The following SLC6A6 variants were observed in gnomAD, a reference collection of about 807,000 sequenced individuals.
SLC6A6 encodes the protein solute carrier family 6 member 6, also known as sodium- and chloride-dependent taurine transporter.
Under a neutral mutation model 68.8 loss-of-function variants are expected in SLC6A6, and 16 were observed. The ratio of observed to expected loss-of-function variants is 0.23; its 90% CI spans 0.16 to 0.35. The LOEUF (loss-of-function observed/expected upper bound fraction) is 0.35, where lower values mean the gene tolerates loss of function less well. Among genes scored for constraint, SLC6A6 ranks in the 10% least tolerant of loss-of-function variants. The probability of loss-of-function intolerance (pLI) is 1.00; values close to 1 mark genes in which losing one functional copy is unlikely to be tolerated. For synonymous variants in SLC6A6, 312 were observed against 315.4 expected (o/e 0.99, Z 0.12); for missense variants, 474 against 802.8 (o/e 0.59, Z 4.95).
In SLC6A6 at chr3:14,472,995, T is replaced by G. The variant is rs145372289; in HGVS notation, c.1209+678T>G. 6.6e-6 allele frequency among the ~76,000 whole-genome samples: 1 copy of G among 152,352 alleles called. No homozygotes were observed. The highest frequency in any genetic ancestry group is 1.9e-4 in the East Asian group (1 of 5,174). ...AGGACTCCTGTCTCCACTGAGGTTCTTTCCTGCACTTCTAAACCCCGTATC... is the reference window on the plus strand; with the variant it reads ...AGGACTCCTGTCTCCACTGAGGTTCGTTCCTGCACTTCTAAACCCCGTATC... On this transcript the variant is annotated intron_variant, in intron 10 of 14. Transcript: ENST00000622186. This position sits in a 1 kb window ranked among gnomAD's most constrained non-coding sequence, Gnocchi z 4.5.
chr3:14,446,807 A>G (rs1039711025), intron 4 of SLC6A6, among the ~76,000 whole-genome samples: 2 of 152,252 alleles, frequency 1.3e-5, no homozygotes, highest in African/African-American at 4.8e-5. Context: ...TCAGCATCAA[A>G]TGAATGGTAG....
intron 2 of SLC6A6, among the ~76,000 whole-genome samples, chr3:14,441,342 C>A (rs561025462): frequency 6.6e-6 from 1 of 151,934 alleles, no homozygotes; most frequent in East Asian, 1.9e-4. Context: ...GCCCTGATAA[C>A]CATCGGGGGG....
chr3:14,479,297 A>C, intron 13 of SLC6A6, 112 bp downstream of exon 13: 1 of 737,762 alleles, frequency 1.4e-6, no homozygotes, highest in Non-Finnish European at 2.4e-6. Context: ...GCTTATAATA[A>C]ACCCAGCTTC....
intron 10 of SLC6A6, among the ~76,000 whole-genome samples, chr3:14,476,223 TG>T (rs1240921418): frequency 6.6e-6 from 1 of 152,190 alleles, no homozygotes; most frequent in Non-Finnish European, 1.5e-5. Context: ...CTGTGCTACA[TG>T]CACAGATGCC....
rs1327889402 is a variant in SLC6A6 at position 14,450,522 on chromosome 3, C to T, written c.599+2706C>T. Among the ~76,000 whole-genome samples the T allele has an allele frequency of 6.6e-6, 1 of 152,218 alleles. No homozygotes were observed. Among genetic ancestry groups the T allele is most frequent in the Non-Finnish European group, 1.5e-5 (1 of 68,042 alleles). The stretch of plus-strand genomic sequence containing the variant: ...AGCTCTCACACCTCTCCTACCCCTG[C>T]ACCCCTAGCCCCAGATTCCAGCAGA... On this transcript the variant is annotated intron_variant, in intron 5 of 14. Coordinates refer to ENST00000622186, the MANE Select transcript of SLC6A6 (RefSeq NM_003043.6). The surrounding 1 kb of genome is among the most constrained non-coding windows in gnomAD (Gnocchi z 4.1).
At chr3:14,413,983 C>A (rs1226683842) in intron 1 of SLC6A6, among the ~76,000 whole-genome samples, 1 of 152,016 alleles carries the variant, frequency 6.6e-6, no homozygotes, top group Non-Finnish European at 1.5e-5. Flanking sequence ...GTCTCCCAGG[C>A]ATGAGTCACC....
intron 6 of SLC6A6, among the ~76,000 whole-genome samples, chr3:14,465,923 C>T (rs1380291109): frequency 1.3e-5 from 2 of 152,202 alleles, no homozygotes; most frequent in Admixed American, 6.5e-5. Flanking sequence ...TTAGATGGTG[C>T]CTGGGACAAA....
At chr3:14,404,326 G>A (rs1699057702) in intron 1 of SLC6A6, among the ~76,000 whole-genome samples, 1 of 152,070 alleles carries the variant, frequency 6.6e-6, no homozygotes, top group African/African-American at 2.4e-5. Context: ...GGGATTGTGG[G>A]GTGGGCATGA....
chr3:14,448,535 A>T (rs75740734), intron 5 of SLC6A6, among the ~76,000 whole-genome samples: 2,120 of 152,144 alleles, frequency 0.014, 46 homozygotes, highest in African/African-American at 0.045. Context: ...CTAAGCAAGC[A>T]CTCTAGGAAC....
chr3:14,480,452 G>A (rs1291268688), intron 13 of SLC6A6, among the ~76,000 whole-genome samples: 1 of 142,884 alleles, frequency 7.0e-6, no homozygotes, highest in African/African-American at 2.8e-5. Context: ...CTCATGGAGA[G>A]GAATGGGAAA....
chr3:14,470,266 G>A lies in SLC6A6; in HGVS notation c.1097-1939G>A, dbSNP rs1489268574. On this transcript the variant is annotated intron_variant, in intron 9 of 14. Coordinates refer to ENST00000622186, the MANE Select transcript of SLC6A6 (RefSeq NM_003043.6). ...AAACACCTTGTCATTTATTCCCCAC[G>A]GTGATGTCTGAACAGCCGGCACATC... Among the ~76,000 whole-genome samples, 6 of 152,238 alleles carry A rather than the reference G, an allele frequency of 3.9e-5. No homozygotes were observed. The East Asian group carries it at 5.8e-4, about 15-fold the overall frequency.
At chr3:14,471,932 C>G (rs1459465596) in intron 9 of SLC6A6, among the ~76,000 whole-genome samples, 2 of 152,168 alleles carry the variant, frequency 1.3e-5, no homozygotes, top group African/African-American at 4.8e-5. Context: ...AGTCTGCATC[C>G]TACCCCAAAT....
rs897590918 is a variant in SLC6A6 at position 14,481,552 on chromosome 3, G to C, written c.1552-119G>C. The C allele has an allele frequency of 1.4e-6, 1 of 700,390 alleles. No homozygotes were observed. Among genetic ancestry groups the C allele is most frequent in the East Asian group, 2.6e-5 (1 of 38,958 alleles). The allele number at this position is 700,390 out of a possible 1,614,324, so 43.4% of individuals were successfully genotyped here. A position where few individuals can be genotyped will look rare whatever the true frequency, so the allele number is the denominator to read the frequency against. On this transcript the variant is annotated intron_variant, in intron 13 of 14. Transcript: ENST00000622186. This position sits in a 1 kb window ranked among gnomAD's most constrained non-coding sequence, Gnocchi z 4.7. ...CAGCAGAGAGGGGTGTGAGTTCTGA[G>C]CCAGTCCTTTCCCAAGGAGAGAGAC...
In SLC6A6 at chr3:14,472,348, G is replaced by A; in HGVS notation, c.1209+31G>A. 7.5e-7 allele frequency: 1 copy of A among 1,332,416 alleles called. No individual in the cohort carries two copies. Among genetic ancestry groups the A allele is most frequent in the Non-Finnish European group, 1.1e-6 (1 of 923,828 alleles). 82.5% of individuals were successfully genotyped at this position (1,332,416 alleles called of 1,614,324 possible). A position where few individuals can be genotyped will look rare whatever the true frequency, so the allele number is the denominator to read the frequency against. On this transcript the variant is annotated intron_variant, in intron 10 of 14. Transcript: ENST00000622186. This position sits in a 1 kb window ranked among gnomAD's most constrained non-coding sequence, Gnocchi z 4.5. ...TATAAGGGATGGCCCTGGGGCGACT[G>A]CCCCTGTGGGGAACCTGACTCTGGG...
chr3:14,477,402 T>C lies in SLC6A6; in HGVS notation c.1347+60T>C, dbSNP rs932417032. On this transcript the variant is annotated intron_variant, in intron 11 of 14. Coordinates refer to ENST00000622186, the MANE Select transcript of SLC6A6 (RefSeq NM_003043.6). This position sits in a 1 kb window ranked among gnomAD's most constrained non-coding sequence, Gnocchi z 4.2. Reference sequence around the variant, plus strand: ...TGCTCCAGTGCCCTCCTCAAGGCCATAGTGGAGGCAGCAGCTGGGTGAGAG... The same window carrying C: ...TGCTCCAGTGCCCTCCTCAAGGCCACAGTGGAGGCAGCAGCTGGGTGAGAG... 3 of 1,556,986 alleles carry C rather than the reference T, an allele frequency of 1.9e-6. No individual in the cohort carries two copies. Among genetic ancestry groups the C allele is most frequent in the East Asian group, 2.3e-5 (1 of 44,334 alleles).
intron 1 of SLC6A6, among the ~76,000 whole-genome samples, chr3:14,409,025 G>T (rs1418484159): frequency 6.6e-6 from 1 of 152,172 alleles, no homozygotes; most frequent in East Asian, 1.9e-4. Flanking sequence ...AGCCAGGATG[G>T]TCTCGATCTC....
intron 3 of SLC6A6, 115 bp downstream of exon 3, chr3:14,443,978 CT>C: frequency 1.4e-6 from 1 of 703,144 alleles, no homozygotes; most frequent in Non-Finnish European, 2.5e-6. Context: ...GGCCCCCCCC[CT>C]TGACCTCCAT....
chr3:14,455,103 C>T (rs1700339239), intron 5 of SLC6A6, among the ~76,000 whole-genome samples: 1 of 152,154 alleles, frequency 6.6e-6, no homozygotes, highest in African/African-American at 2.4e-5. Context: ...TCTCTGGCCA[C>T]CCATGCAGAT....
chr3:14,430,354 T>A (rs55735896), intron 2 of SLC6A6, among the ~76,000 whole-genome samples: 86 of 151,884 alleles, frequency 5.7e-4, no homozygotes, highest in South Asian at 1.7e-3. Context: ...TTCCAATGGT[T>A]GGTGTGGCCT....
Sources: gnomAD v4.1 joint callset for allele counts (sites outside exome capture counted in the v4.1 genomes callset) on GRCh38, gnomAD v4.1.1 for gene constraint, Gnocchi (gnomAD v3.1) non-coding constraint, MANE v1.5 for transcripts, NCBI Gene and HGNC (gene_info 2026-07-23, HGNC 2026-07-21) for gene names.